VPS28: variants seen among roughly 807,000 people sequenced by gnomAD.
VPS28 encodes the protein VPS28 subunit of ESCRT-I, also known as vacuolar protein sorting-associated protein 28 homolog.
A neutral mutation model predicts 33.7 loss-of-function variants in VPS28; 29 were observed. The ratio of observed to expected loss-of-function variants is 0.86; its 90% confidence interval spans 0.64 to 1.17. The LOEUF is 1.17. Among genes scored for constraint, VPS28 ranks in the 50% most tolerant of loss-of-function variants. The pLI, the probability that VPS28 is intolerant of heterozygous loss-of-function variation, is 0.00. For missense variants in VPS28, 247 were observed against 312.2 expected (o/e 0.79, Z 1.57); for synonymous variants, 164 against 116.7 (o/e 1.40, Z -2.61).
chr8:144,424,498 G>A (rs1291239186), intron 7 of VPS28: 18 of 784,966 alleles, frequency 2.3e-5, no homozygotes, highest in Admixed American at 1.1e-4. Context: ...CCAGGACCCC[G>A]CCAGAACGCA....
intron 2 of VPS28, 183 bp downstream of exon 2, chr8:144,426,726 G>C: frequency 1.5e-6 from 1 of 647,054 alleles, no homozygotes; most frequent in African/African-American, 1.8e-5. Flanking sequence ...GACCAAGCCA[G>C]TTCTGTCTGG....
chr8:144,423,655 GC>G lies in VPS28; in HGVS notation c.*149del. The G allele has an allele frequency of 1.9e-6, 2 of 1,026,054 alleles. No individual in the cohort carries two copies. The highest frequency in any genetic ancestry group is 2.9e-6 in the Non-Finnish European group (2 of 696,954). The allele number at this position is 1,026,054 out of a possible 1,614,324, so 63.6% of individuals were successfully genotyped here. Reference sequence around the variant, plus strand: ...CATCTTTATTGTGGGGAGGGGCCCGGCCCCCAAAGTTCTGACACCAAAGACA... The same window carrying G: ...CATCTTTATTGTGGGGAGGGGCCCGGCCCCAAAGTTCTGACACCAAAGACA... On this transcript the variant is annotated 3_prime_UTR_variant, in exon 10 of 10. Coordinates refer to ENST00000292510, the MANE Select transcript of VPS28 (RefSeq NM_016208.4).
In VPS28 at chr8:144,425,298, C is replaced by G. The variant is rs141354020; in HGVS notation, c.195-247G>C. Reference sequence around the variant, plus strand: ...CCCCTGCCCACCCTCTGAACCACAGCGACCAGCCCTCTGTTGTGATGGCCG... The same window carrying G: ...CCCCTGCCCACCCTCTGAACCACAGGGACCAGCCCTCTGTTGTGATGGCCG... On this transcript the variant is annotated intron_variant, in intron 5 of 9. Coordinates refer to ENST00000292510, the MANE Select transcript of VPS28 (RefSeq NM_016208.4). 2.6e-4 allele frequency: 152 copies of G among 587,786 alleles called. 1 individual carries two copies. Among genetic ancestry groups the G allele is most frequent in the Middle Eastern group, 1.4e-3 (3 of 2,208 alleles). 36.4% of individuals were successfully genotyped at this position (587,786 alleles called of 1,614,324 possible).
In VPS28 at chr8:144,423,647, G is replaced by A; in HGVS notation, c.*158C>T. On this transcript the variant is annotated 3_prime_UTR_variant, in exon 10 of 10. Transcript: ENST00000292510. ...TCGGAGAGCATCTTTATTGTGGGGA[G>A]GGGCCCGGCCCCCAAAGTTCTGACA... 1.1e-6 allele frequency: 1 copy of A among 946,854 alleles called. No individual in the cohort carries two copies. The highest frequency in any genetic ancestry group is 2.2e-5 in the Admixed American group (1 of 44,938). The allele number at this position is 946,854 out of a possible 1,614,324, so 58.7% of individuals were successfully genotyped here.
Position 144,423,913 on chromosome 8 carries a change from G to A in VPS28, c.558C>T (p.Thr186=). Residue 186 remains threonine, a synonymous_variant, in exon 10 of 10, where the codon ACC becomes ACT. Transcript: ENST00000292510. ...GRQTVSQWLQ[T]LSGMSASDEL... Reference sequence around the variant, plus strand: ...CATCTGACGCCGACATGCCGCTCAGGGTCTGCAGCCTGGGAGTGCAGCACA... The same window carrying A: ...CATCTGACGCCGACATGCCGCTCAGAGTCTGCAGCCTGGGAGTGCAGCACA... 1.2e-6 allele frequency: 2 copies of A among 1,613,120 alleles called. No homozygotes were observed. Among genetic ancestry groups the A allele is most frequent in the East Asian group, 2.2e-5 (1 of 44,892 alleles).
rs1822607524 is a variant in VPS28 at position 144,424,754 on chromosome 8, C to T, written c.366G>A (p.Lys122=). The part of the protein sequence containing the change: ...EDRPITIKDD[K]GNLNRCIADV... The stretch of plus-strand genomic sequence containing the variant: ...CTGCGATGCAGCGGTTGAGGTTGCC[C>T]TTGTCGTCCTTGATGGTGATGGGCC... The change falls in exon 7 of 10, where the codon AAG becomes AAA. Residue 122 remains lysine (K), a synonymous_variant. Transcript: ENST00000292510. 1 of 1,613,504 alleles carries T rather than the reference C, an allele frequency of 6.2e-7. No individual in the cohort carries two copies. Among genetic ancestry groups the T allele is most frequent in the Non-Finnish European group, 8.5e-7 (1 of 1,179,990 alleles).
Position 144,424,260 on chromosome 8 carries a change from G to T in VPS28, c.411C>A (p.Ile137=). 2 of 1,604,620 alleles carry T rather than the reference G, an allele frequency of 1.2e-6. No individual in the cohort carries two copies. Among genetic ancestry groups the T allele is most frequent in the Non-Finnish European group, 8.5e-7 (1 of 1,174,468 alleles). The part of the protein sequence containing the change: ...RCIADVVSLF[I]TVMDKLRLEI... ...CCAGACGCAGCTTGTCCATGACCGT[G>T]ATGAAGAGCTGGGGGCAGGTGTGCA... Residue 137 remains isoleucine, a synonymous_variant, in exon 8 of 10, where the codon ATC becomes ATA. Transcript: ENST00000292510.
At chr8:144,426,250 G>A (rs1554876766) in intron 2 of VPS28, 42 bp from the exon 3 acceptor site, 10 of 1,561,152 alleles carry the variant, frequency 6.4e-6, no homozygotes, top group Non-Finnish European at 5.2e-6. Flanking sequence ...GCCCCAAAGG[G>A]AACCCAAGGG....
In VPS28 at chr8:144,424,032, G is replaced by C; in HGVS notation, c.548+9C>G. 6.3e-7 allele frequency: 1 copy of C among 1,591,190 alleles called. No homozygotes were observed. Among genetic ancestry groups the C allele is most frequent in the South Asian group, 1.1e-5 (1 of 89,052 alleles). ...TGCGGGGCTCTGCCTGGCTGGGAGGGACACCCACCACTGGCTGACCGTCTG... is the reference window on the plus strand; with the variant it reads ...TGCGGGGCTCTGCCTGGCTGGGAGGCACACCCACCACTGGCTGACCGTCTG... On this transcript the variant is annotated intron_variant, in intron 9 of 9. Coordinates refer to ENST00000292510, the MANE Select transcript of VPS28 (RefSeq NM_016208.4).
intron 7 of VPS28, 153 bp from the exon 8 acceptor site, chr8:144,424,421 G>C: frequency 1.9e-6 from 2 of 1,061,742 alleles, no homozygotes; most frequent in Non-Finnish European, 1.3e-6. Context: ...GGTGAACGAG[G>C]TCCTGGCTGC....
At position 144,423,676 on chromosome 8, in the gene VPS28, A is replaced by C. The variant is rs1037899835; in HGVS notation, c.*129T>G. 7.1e-6 allele frequency: 9 copies of C among 1,261,818 alleles called. No homozygotes were observed. In the African/African-American group the frequency reaches 8.9e-5, roughly 12 times the overall value. The allele number at this position is 1,261,818 out of a possible 1,614,324, so 78.2% of individuals were successfully genotyped here. ...CCCGGCCCCCAAAGTTCTGACACCA[A>C]AGACAGACACCAGACAGGCAGCTGC... is the stretch of plus-strand genomic sequence containing the variant. On this transcript the variant is annotated 3_prime_UTR_variant, in exon 10 of 10. Coordinates refer to ENST00000292510, the MANE Select transcript of VPS28 (RefSeq NM_016208.4).
intron 1 of VPS28, among the ~76,000 whole-genome samples, chr8:144,427,537 C>A (rs2130824671): frequency 6.6e-6 from 1 of 152,186 alleles, no homozygotes; most frequent in Non-Finnish European, 1.5e-5. Context: ...GGGCGGCAGG[C>A]AGCTGTTTGA....
rs565295842 is a variant in VPS28, at chr8:144,424,855, A to G, written c.301-36T>C. On this transcript the variant is annotated intron_variant, in intron 6 of 9. Transcript: ENST00000292510. Reference sequence around the variant, plus strand: ...TGACATGGGTGCTGGGGCTCTCAGGACAGCAAGCCCCAGGTGGCCAGAGCC... The same window carrying G: ...TGACATGGGTGCTGGGGCTCTCAGGGCAGCAAGCCCCAGGTGGCCAGAGCC... 4 of 1,612,544 alleles carry G rather than the reference A, an allele frequency of 2.5e-6. No homozygotes were observed. The African/African-American group carries it at 5.3e-5, about 21-fold the overall frequency.
chr8:144,424,525 C>G lies in VPS28; in HGVS notation c.402+193G>C, dbSNP rs181333011. On this transcript the variant is annotated intron_variant, in intron 7 of 9. Transcript: ENST00000292510. ...CAGAACGCACCCTGTGCTCATCCCCCCGACAGGAGTCCAGGTGGCCTGGGG... is the reference window on the plus strand; with the variant it reads ...CAGAACGCACCCTGTGCTCATCCCCGCGACAGGAGTCCAGGTGGCCTGGGG... The G allele has an allele frequency of 5.0e-6, 4 of 797,992 alleles. No homozygotes were observed. In the East Asian group the frequency reaches 8.0e-5, roughly 16 times the overall value. 49.4% of individuals were successfully genotyped at this position (797,992 alleles called of 1,614,324 possible). A position where few individuals can be genotyped will look rare whatever the true frequency, so the allele number is the denominator to read the frequency against.
chr8:144,427,047 C>T (rs1822814128), intron 1 of VPS28, 68 bp from the exon 2 acceptor site: 1 of 1,303,442 alleles, frequency 7.7e-7, no homozygotes, highest in South Asian at 1.3e-5. Context: ...CACCTGTAAT[C>T]CCAGCACTTT....
chr8:144,426,677 G>A (rs1822774721), intron 2 of VPS28: 6 of 543,434 alleles, frequency 1.1e-5, no homozygotes, highest in South Asian at 4.4e-5. Context: ...GACCCCCACC[G>A]TTCTGGCCAC....
At chr8:144,427,675 G>A (rs1268185271) in intron 1 of VPS28, among the ~76,000 whole-genome samples, 1 of 152,232 alleles carries the variant, frequency 6.6e-6, no homozygotes, top group Non-Finnish European at 1.5e-5. Context: ...CCTAGGGAAT[G>A]AAGATGGAGA....
chr8:144,427,987 G>C (rs1822913852), intron 1 of VPS28, among the ~76,000 whole-genome samples: 1 of 152,214 alleles, frequency 6.6e-6, no homozygotes, highest in Admixed American at 6.5e-5. Flanking sequence ...CGCTGAGCCG[G>C]CTAACTGGGA....
rs939256309 is a variant in VPS28, at chr8:144,423,850, G to A, written c.621C>T (p.Asp207=). 4.3e-6 allele frequency: 7 copies of A among 1,613,160 alleles called. No homozygotes were observed. The African/African-American group carries it at 8.0e-5, about 18-fold the overall frequency. The change falls in exon 10 of 10, where the codon GAC becomes GAT. Residue 207 remains aspartate, a synonymous_variant. Transcript: ENST00000292510. ...TGAAGGCGTTGTAGGCTGACTCCAGGTCGAACAGCATCTGACGCACCTGTG... is the reference window on the plus strand; with the variant it reads ...TGAAGGCGTTGTAGGCTGACTCCAGATCGAACAGCATCTGACGCACCTGTG... ...DDSQVRQMLF[D]LESAYNAFNR...
Sources: gnomAD v4.1 joint callset for allele counts (sites outside exome capture counted in the v4.1 genomes callset) on GRCh38, gnomAD v4.1.1 for gene constraint, MANE v1.5 for transcripts, NCBI Gene and HGNC (gene_info 2026-07-23, HGNC 2026-07-21) for gene names.